Variants in CFAP299 observed in about 807,000 individuals in gnomAD.
CFAP299 encodes cilia- and flagella-associated protein 299.
CFAP299 carries 21 observed loss-of-function variants against 27.0 expected under a neutral mutation model. The observed-to-expected ratio is 0.78, with a 90% CI of 0.55 to 1.12. The LOEUF (loss-of-function observed/expected upper bound fraction) is 1.12. Among genes scored for constraint, CFAP299 ranks in the 50% most tolerant of loss-of-function variants. The probability of loss-of-function intolerance (pLI) is 0.00; values close to 1 mark genes in which losing one functional copy is unlikely to be tolerated. For missense variants in CFAP299, 310 were observed against 276.6 expected (o/e 1.12, Z -0.86); for synonymous variants, 104 against 98.1 (o/e 1.06, Z -0.36).
rs530591962 is a variant in CFAP299, at chr4:80,605,236, C to A, written c.333+22053C>A. ...GATGATTTTCATTGAAGAAATACTT[C>A]TGGTGCAGATAAATTTTCTTTTGAA... On this transcript the variant is annotated intron_variant, in intron 3 of 5. Coordinates refer to ENST00000358105, the MANE Select transcript of CFAP299 (RefSeq NM_152770.3). 1.2e-3 allele frequency among the ~76,000 whole-genome samples: 188 copies of A among 152,254 alleles called. 1 individual carries two copies. Among genetic ancestry groups the A allele is most frequent in the Non-Finnish European group, 1.1e-3 (74 of 68,026 alleles).
At chr4:80,465,450 T>C (rs1729655401) in intron 2 of CFAP299, among the ~76,000 whole-genome samples, 1 of 151,946 alleles carries the variant, frequency 6.6e-6, no homozygotes, top group Non-Finnish European at 1.5e-5. Flanking sequence ...TTGCAGAGGG[T>C]TATAGAGGCA....
At chr4:80,419,048 G>A (rs1166401429) in intron 2 of CFAP299, among the ~76,000 whole-genome samples, 1 of 152,160 alleles carries the variant, frequency 6.6e-6, no homozygotes, top group African/African-American at 2.4e-5. Context: ...CAGGTCTGCA[G>A]CAACCTCAGT....
intron 2 of CFAP299, among the ~76,000 whole-genome samples, chr4:80,392,278 C>G (rs1725524874): frequency 6.6e-6 from 1 of 152,096 alleles, no homozygotes; most frequent in Non-Finnish European, 1.5e-5. Flanking sequence ...TGGGTTAATA[C>G]TAGAATGAGT....
intron 3 of CFAP299, among the ~76,000 whole-genome samples, chr4:80,658,905 T>C (rs188969628): frequency 6.6e-6 from 1 of 152,278 alleles, no homozygotes. Flanking sequence ...CTGCATTTCA[T>C]AATAGTAGCA....
intron 2 of CFAP299, among the ~76,000 whole-genome samples, chr4:80,479,477 T>C (rs1363475631): frequency 6.6e-6 from 1 of 151,976 alleles, no homozygotes; most frequent in Non-Finnish European, 1.5e-5. Flanking sequence ...CCAACATGCA[T>C]ACAAAAAGCA....
intron 3 of CFAP299, among the ~76,000 whole-genome samples, chr4:80,821,272 C>T (rs1371322171): frequency 6.6e-6 from 1 of 152,114 alleles, no homozygotes; most frequent in African/African-American, 2.4e-5. Context: ...GATAAGAAAG[C>T]TTCATTCTTG....
chr4:80,665,123 CCT>C (rs1004879453), intron 3 of CFAP299, among the ~76,000 whole-genome samples: 10 of 152,160 alleles, frequency 6.6e-5, no homozygotes, highest in Admixed American at 1.3e-4. Flanking sequence ...AAATCACCTA[CCT>C]TCTGCATTTG....
At chr4:80,696,382 C>G (rs1032348207) in intron 3 of CFAP299, among the ~76,000 whole-genome samples, 6 of 151,314 alleles carry the variant, frequency 4.0e-5, no homozygotes, top group Non-Finnish European at 8.8e-5. Context: ...AGAGAATAGA[C>G]AGGAAAATAA....
rs575115595 is a variant in CFAP299, at chr4:80,736,078, T to C, written c.334-133915T>C. Among the ~76,000 whole-genome samples, 4 of 152,262 alleles carry C rather than the reference T, an allele frequency of 2.6e-5. No individual in the cohort carries two copies. The East Asian group carries it at 5.8e-4, about 22-fold the overall frequency. On this transcript the variant is annotated intron_variant, in intron 3 of 5. Transcript: ENST00000358105. ...TTTCTTTTGCTGAGCAGAAGCTCTT[T>C]AGTTTAATTAGATCCCATTTGTCAA...
chr4:80,816,059 A>G (rs897166352), intron 3 of CFAP299, among the ~76,000 whole-genome samples: 1 of 152,042 alleles, frequency 6.6e-6, no homozygotes, highest in African/African-American at 2.4e-5. Context: ...GTATTCTATA[A>G]AACTACTATT....
intron 3 of CFAP299, among the ~76,000 whole-genome samples, chr4:80,767,146 CCT>C (rs1491308873): frequency 6.6e-6 from 1 of 151,842 alleles, no homozygotes; most frequent in African/African-American, 2.4e-5. Flanking sequence ...TATGTATTTT[CCT>C]CTATGTACAA....
At chr4:80,479,125 A>G (rs1260631768) in intron 2 of CFAP299, among the ~76,000 whole-genome samples, 4 of 152,038 alleles carry the variant, frequency 2.6e-5, no homozygotes, top group Admixed American at 2.0e-4. Flanking sequence ...AAATGATATA[A>G]CAATTTTACA....
At chr4:80,854,021 A>G (rs1731683034) in intron 3 of CFAP299, among the ~76,000 whole-genome samples, 1 of 152,186 alleles carries the variant, frequency 6.6e-6, no homozygotes, top group Non-Finnish European at 1.5e-5. Flanking sequence ...GTGAATGCAG[A>G]CAGAGAAAAG....
At chr4:80,960,957 C>A (rs1277123428) in intron 5 of CFAP299, among the ~76,000 whole-genome samples, 1 of 151,640 alleles carries the variant, frequency 6.6e-6, no homozygotes, top group Admixed American at 6.6e-5. Context: ...AATTAGGCAT[C>A]AAATTTGTTG....
chr4:80,414,736 C>G (rs767605365), intron 2 of CFAP299, among the ~76,000 whole-genome samples: 1 of 152,220 alleles, frequency 6.6e-6, no homozygotes, highest in South Asian at 2.1e-4. Flanking sequence ...TTCTAACAGA[C>G]TCCATTTTAT....
intron 3 of CFAP299, among the ~76,000 whole-genome samples, chr4:80,765,619 A>T (rs1278154822): frequency 6.6e-6 from 1 of 151,224 alleles, no homozygotes. Flanking sequence ...AAATTTTTTT[A>T]TTTTTTTATT....
chr4:80,398,307 T>G (rs965923050), intron 2 of CFAP299, among the ~76,000 whole-genome samples: 6 of 152,146 alleles, frequency 3.9e-5, no homozygotes, highest in African/African-American at 1.4e-4. Flanking sequence ...AAGCTACCAA[T>G]GACTTTCTTC....
chr4:80,851,885 TA>T (rs897681221), intron 3 of CFAP299, among the ~76,000 whole-genome samples: 6 of 149,464 alleles, frequency 4.0e-5, no homozygotes, highest in African/African-American at 1.5e-4. Context: ...TTTCTATCAT[TA>T]AAACCCTGGC....
intron 3 of CFAP299, among the ~76,000 whole-genome samples, chr4:80,716,593 T>C (rs1014384075): frequency 6.6e-6 from 1 of 152,104 alleles, no homozygotes; most frequent in African/African-American, 2.4e-5. Flanking sequence ...ACAAGCTAGA[T>C]GATTTGGCTC....
Sources: allele counts gnomAD v4.1 joint callset (sites outside exome capture counted in the v4.1 genomes callset), GRCh38; gene constraint gnomAD v4.1.1; transcripts MANE v1.5; gene names NCBI Gene and HGNC (gene_info 2026-07-23, HGNC 2026-07-21).